LCORL: variants seen among roughly 807,000 people sequenced by gnomAD.
The protein encoded by LCORL is ligand dependent nuclear receptor corepressor like.
LCORL carries 41 observed loss-of-function variants against 141.8 expected under a neutral mutation model. The ratio of observed to expected loss-of-function variants is 0.29; its 90% CI spans 0.23 to 0.38. The LOEUF (loss-of-function observed/expected upper bound fraction) is 0.38. Ranked by LOEUF, LCORL falls within the 10% of genes least tolerant of loss-of-function variation. The pLI, the probability that LCORL is intolerant of heterozygous loss-of-function variation, is 1.00. For synonymous variants in LCORL, 618 were observed against 694.1 expected (o/e 0.89, Z 1.72); for missense variants, 1,759 against 2,035.0 (o/e 0.86, Z 2.61).
intron 5 of LCORL, among the ~76,000 whole-genome samples, chr4:17,888,260 G>C (rs1351987984): frequency 6.6e-6 from 1 of 152,014 alleles, no homozygotes; most frequent in Non-Finnish European, 1.5e-5. Context: ...AGATTAGAAG[G>C]GTAAAAGGGG....
At chr4:17,919,623 G>C (rs554087110) in intron 4 of LCORL, among the ~76,000 whole-genome samples, 1 of 152,284 alleles carries the variant, frequency 6.6e-6, no homozygotes, top group South Asian at 2.1e-4. Context: ...GTCTAAAGAA[G>C]TACCCATATC....
At chr4:17,940,671 C>G (rs954120387) in intron 4 of LCORL, among the ~76,000 whole-genome samples, 12 of 151,302 alleles carry the variant, frequency 7.9e-5, no homozygotes, top group African/African-American at 2.9e-4. Context: ...CTACTAATAC[C>G]ACTGTTGTTT....
intron 1 of LCORL, among the ~76,000 whole-genome samples, chr4:17,999,849 C>T (rs1046135929): frequency 6.6e-6 from 1 of 152,140 alleles, no homozygotes; most frequent in African/African-American, 2.4e-5. Context: ...TGGCAATTTT[C>T]AACACTCAAG....
At chr4:17,988,858 G>A (rs1370742018) in intron 1 of LCORL, among the ~76,000 whole-genome samples, 7 of 152,088 alleles carry the variant, frequency 4.6e-5, no homozygotes, top group South Asian at 2.1e-4. Flanking sequence ...GGTGGTGTGC[G>A]CCTGTAATCC....
At chr4:18,009,850 A>ACCCT (rs1723412416) in intron 1 of LCORL, among the ~76,000 whole-genome samples, 5 of 151,714 alleles carry the variant, frequency 3.3e-5, no homozygotes, top group Non-Finnish European at 7.4e-5. Context: ...CCCCATGGAC[A>ACCCT]CCCTCCTCAC....
chr4:17,977,061 C>T (rs1397449465), intron 1 of LCORL, among the ~76,000 whole-genome samples: 2 of 152,094 alleles, frequency 1.3e-5, no homozygotes, highest in Non-Finnish European at 2.9e-5. Context: ...TCATGAGAAT[C>T]GAATCTTACA....
intron 4 of LCORL, among the ~76,000 whole-genome samples, chr4:17,918,733 T>C (rs755173460): frequency 1.3e-5 from 2 of 152,048 alleles, no homozygotes; most frequent in African/African-American, 2.4e-5. Flanking sequence ...ACCAATCAAA[T>C]GTATCAAGAT....
chr4:17,955,798 G>A (rs1712499962), intron 4 of LCORL, among the ~76,000 whole-genome samples: 1 of 152,110 alleles, frequency 6.6e-6, no homozygotes, highest in Admixed American at 6.5e-5. Context: ...AAGGCAAAGA[G>A]AGGAAAGGGA....
At chr4:18,004,160 T>C (rs774197564) in intron 1 of LCORL, among the ~76,000 whole-genome samples, 1 of 152,218 alleles carries the variant, frequency 6.6e-6, no homozygotes, top group Non-Finnish European at 1.5e-5. Flanking sequence ...CAAATAGCAA[T>C]GTGTTGATCC....
intron 2 of LCORL, among the ~76,000 whole-genome samples, chr4:17,967,980 C>A (rs1189760783): frequency 1.3e-5 from 2 of 151,976 alleles, no homozygotes; most frequent in African/African-American, 4.8e-5. Context: ...GCCTCAGCCT[C>A]CTGAGCAGCT....
At chr4:17,899,988 A>G (rs1437801187) in intron 5 of LCORL, among the ~76,000 whole-genome samples, 3 of 152,188 alleles carry the variant, frequency 2.0e-5, no homozygotes, top group Non-Finnish European at 4.4e-5. Flanking sequence ...CCAAAATCTG[A>G]AACACTTCTG....
chr4:17,946,929 C>G (rs1738973916), intron 4 of LCORL, among the ~76,000 whole-genome samples: 1 of 151,826 alleles, frequency 6.6e-6, no homozygotes, highest in Non-Finnish European at 1.5e-5. Context: ...ATTAGTACAG[C>G]CATTATGGAA....
At chr4:17,893,893 G>T (rs565307202) in intron 5 of LCORL, among the ~76,000 whole-genome samples, 4 of 152,216 alleles carry the variant, frequency 2.6e-5, no homozygotes, top group Admixed American at 2.0e-4. Context: ...CTGCCTCCTG[G>T]GTTCAAGCGA....
intron 1 of LCORL, among the ~76,000 whole-genome samples, chr4:18,007,382 TAAAC>T (rs1056399046): frequency 6.6e-6 from 1 of 152,208 alleles, no homozygotes; most frequent in Non-Finnish European, 1.5e-5. Flanking sequence ...ATGATTCAAT[TAAAC>T]AAACTATCTT....
intron 1 of LCORL, among the ~76,000 whole-genome samples, chr4:18,011,661 C>T (rs1372661531): frequency 6.6e-6 from 1 of 152,178 alleles, no homozygotes; most frequent in Non-Finnish European, 1.5e-5. Context: ...GATCAGCAAA[C>T]TATGGTTTAT....
intron 1 of LCORL, among the ~76,000 whole-genome samples, chr4:18,004,940 T>A (rs953760785): frequency 6.6e-6 from 1 of 151,864 alleles, no homozygotes; most frequent in Middle Eastern, 3.2e-3. Context: ...TTTTTTTTTT[T>A]AGATGGAGTT....
chr4:17,966,545 T>C lies in LCORL; in HGVS notation c.221-3496A>G, dbSNP rs150777450. 3.2e-3 allele frequency among the ~76,000 whole-genome samples: 484 copies of C among 152,236 alleles called. 2 individuals carry two copies. Among genetic ancestry groups the C allele is most frequent in the African/African-American group, 0.011 (439 of 41,552 alleles). On this transcript the variant is annotated intron_variant, in intron 2 of 7. Coordinates refer to ENST00000635767, the Ensembl canonical transcript of LCORL. ...AAACAGAAAGCACCAACCCAGATGA[T>C]TTCCATACAATCTGTCTCTAAAAAC... is the stretch of plus-strand genomic sequence containing the variant.
intron 5 of LCORL, among the ~76,000 whole-genome samples, chr4:17,902,363 G>A (rs993254238): frequency 6.6e-6 from 1 of 152,038 alleles, no homozygotes; most frequent in Non-Finnish European, 1.5e-5. Flanking sequence ...CTAGACATAT[G>A]TTTTATTTTT....
intron 4 of LCORL, among the ~76,000 whole-genome samples, chr4:17,953,646 C>A (rs914911500): frequency 6.6e-6 from 1 of 152,054 alleles, no homozygotes; most frequent in African/African-American, 2.4e-5. Flanking sequence ...TTTAAAAAAC[C>A]GTTGAAAGGC....
Sources: gnomAD v4.1 joint callset for allele counts (sites outside exome capture counted in the v4.1 genomes callset) on GRCh38, gnomAD v4.1.1 for gene constraint, MANE v1.5 for transcripts, NCBI Gene and HGNC (gene_info 2026-07-23, HGNC 2026-07-21) for gene names.